QTRT1: variants seen among roughly 807,000 people sequenced by gnomAD.
QTRT1 encodes the protein queuine tRNA-ribosyltransferase catalytic subunit 1.
Under a neutral mutation model 44.0 loss-of-function variants are expected in QTRT1, and 41 were observed. The observed-to-expected ratio is 0.93, with a 90% CI of 0.73 to 1.21. The LOEUF (loss-of-function observed/expected upper bound fraction) is 1.21. Ranked by LOEUF, QTRT1 falls within the 50% of genes most tolerant of loss-of-function variation. The pLI is 0.00. For synonymous variants in QTRT1, 226 were observed against 237.1 expected (o/e 0.95, Z 0.43); for missense variants, 542 against 575.8 (o/e 0.94, Z 0.60).
In QTRT1 at chr19:10,712,939, C is replaced by T. The variant is rs374392445; in HGVS notation, c.972-14C>T. On this transcript the variant is annotated splice_polypyrimidine_tract_variant and intron_variant, in intron 8 of 9. Transcript: ENST00000250237. The surrounding 1 kb of genome is among the most constrained non-coding windows in gnomAD (Gnocchi z 5.6). ...GGGCCTGGCCGTGCTGAGCTGTCCC[C>T]TGCCGCTCTACAGGCACAGCCGCGC... The T allele has an allele frequency of 3.7e-6, 6 of 1,613,074 alleles. No individual in the cohort carries two copies. The African/African-American group carries it at 5.3e-5, about 14-fold the overall frequency.
rs1358798415 is a variant in QTRT1 at position 10,713,088 on chromosome 19, A to G, written c.1060-30A>G. 6 of 1,608,904 alleles carry G rather than the reference A, an allele frequency of 3.7e-6. No homozygotes were observed. The highest frequency in any genetic ancestry group is 1.1e-5 in the South Asian group (1 of 91,044). ...GTGGGCGGGGGTGTCCTAGGTGCGT[A>G]TGCCCCACGCTGACCTCCCCTCCCC... On this transcript the variant is annotated intron_variant, in intron 9 of 9. Transcript: ENST00000250237. The surrounding 1 kb of genome is among the most constrained non-coding windows in gnomAD (Gnocchi z 4.3).
intron 3 of QTRT1, among the ~76,000 whole-genome samples, chr19:10,702,598 G>A (rs1021359284): frequency 3.3e-5 from 5 of 151,966 alleles, no homozygotes; most frequent in Non-Finnish European, 5.9e-5. Context: ...GAGGCCGGGA[G>A]TTGGAGACCA....
chr19:10,701,456 T>A lies in QTRT1; in HGVS notation c.-5T>A. On this transcript the variant is annotated 5_prime_UTR_variant, in exon 1 of 10. Coordinates refer to ENST00000250237, the MANE Select transcript of QTRT1 (RefSeq NM_031209.3). ...GGTACGGCCCACGTGGTTCCGACAG[T>A]CAAGATGGCGGGAGCAGCTACCCAG... 1.3e-6 allele frequency: 2 copies of A among 1,541,200 alleles called. No individual in the cohort carries two copies. The highest frequency in any genetic ancestry group is 2.5e-5 in the South Asian group (2 of 80,582).
Position 10,701,665 on chromosome 19 carries a change from A to G in QTRT1, c.205A>G (p.Ile69Val). The G allele has an allele frequency of 6.3e-7, 1 of 1,590,876 alleles. No individual in the cohort carries two copies. Among genetic ancestry groups the G allele is most frequent in the Non-Finnish European group, 8.5e-7 (1 of 1,169,690 alleles). The change falls in exon 1 of 10, where the codon ATC (isoleucine) becomes GTC (valine). Residue 69 changes from isoleucine to valine, a missense_variant. Ile to Val is a conservative substitution (Grantham distance 29). Coordinates refer to ENST00000250237, the MANE Select transcript of QTRT1 (RefSeq NM_031209.3). ...TEQLDALGCR[I>V]CLGNTYHLGL... Reference sequence around the variant, plus strand: ...ACAGCTGGACGCTCTGGGTTGCCGCATCTGCCTGGGCAATACCTACCATCT... The same window carrying G: ...ACAGCTGGACGCTCTGGGTTGCCGCGTCTGCCTGGGCAATACCTACCATCT...
intron 5 of QTRT1, chr19:10,710,976 G>C (rs1419851431): frequency 2.0e-5 from 3 of 151,702 alleles, no homozygotes; most frequent in African/African-American, 7.3e-5. Flanking sequence ...GAACGTGCAA[G>C]TTTGTTACAC....
Position 10,701,720 on chromosome 19 carries a change from C to T in QTRT1, c.243+17C>T, listed in dbSNP as rs746168440. ...CTAAGGCCGGTGGGTGGGCTCTGCC[C>T]GCGCGGGGAGGCGGCGAGGCGGCGA... On this transcript the variant is annotated intron_variant, in intron 1 of 9. Transcript: ENST00000250237. 8 of 1,566,532 alleles carry T rather than the reference C, an allele frequency of 5.1e-6. No individual in the cohort carries two copies. In the South Asian group the frequency reaches 6.9e-5, roughly 14 times the overall value.
Position 10,701,462 on chromosome 19 carries a change from T to TG in QTRT1, c.4dup (p.Ala2?). 6.5e-7 allele frequency: 1 copy of TG among 1,544,578 alleles called. No individual in the cohort carries two copies. The highest frequency in any genetic ancestry group is 2.3e-5 in the East Asian group (1 of 44,136). ...GCCCACGTGGTTCCGACAGTCAAGA[T>TG]GGCGGGAGCAGCTACCCAGGCTTCC... is the stretch of plus-strand genomic sequence containing the variant. On this transcript the variant is annotated frameshift_variant and start_lost, in exon 1 of 10. Coordinates refer to ENST00000250237, the MANE Select transcript of QTRT1 (RefSeq NM_031209.3). LOFTEE classifies it high-confidence loss of function.
Position 10,701,514 on chromosome 19 carries a change from G to A in QTRT1, c.54G>A (p.Arg18=). 6.3e-7 allele frequency: 1 copy of A among 1,593,660 alleles called. No individual in the cohort carries two copies. The change falls in exon 1 of 10, where the codon CGG becomes CGA. Residue 18 remains arginine, a synonymous_variant. Transcript: ENST00000250237. The part of the protein sequence containing the change: ...ASLESAPRIM[R]LVAECSRSRA... ...TGGAGTCGGCCCCACGGATCATGCG[G>A]CTGGTGGCCGAATGCAGCCGCTCCA...
rs1347613969 is a variant in QTRT1, at chr19:10,702,148, GTC to G, written c.349_350del (p.Leu117ValfsTer18). 2 of 1,614,032 alleles carry G rather than the reference GTC, an allele frequency of 1.2e-6. No homozygotes were observed. Among genetic ancestry groups the G allele is most frequent in the African/African-American group, 2.7e-5 (2 of 74,912 alleles). ...GCGGTTTCCAGATGGTGTCGCTGGT[GTC>G]TCTGTCCGAGGTGACGGAGGAGGGC... Reference protein sequence around the residue: ...SGGFQMVSLVSLSEVTEEGVR... With the variant: ...SGGFQMVSLVXLSEVTEEGVR... On this transcript the variant is annotated frameshift_variant, in exon 3 of 10. Coordinates refer to ENST00000250237, the MANE Select transcript of QTRT1 (RefSeq NM_031209.3). LOFTEE classifies it high-confidence loss of function.
chr19:10,713,051 GC>G lies in QTRT1; in HGVS notation c.1059+14del, dbSNP rs772753272. The G allele has an allele frequency of 6.2e-7, 1 of 1,610,320 alleles. No homozygotes were observed. Reference sequence around the variant, plus strand: ...AACATCGCCTACCAGGTGAGCCAGTGCCCGGGGCAAGGTGGGCGGGGGTGTC... The same window carrying G: ...AACATCGCCTACCAGGTGAGCCAGTGCCGGGGCAAGGTGGGCGGGGGTGTC... On this transcript the variant is annotated intron_variant, in intron 9 of 9. Transcript: ENST00000250237. The surrounding 1 kb of genome is among the most constrained non-coding windows in gnomAD (Gnocchi z 4.3).
chr19:10,712,359 C>T lies in QTRT1; in HGVS notation c.785+60C>T. 6.4e-7 allele frequency: 1 copy of T among 1,568,316 alleles called. No homozygotes were observed. The highest frequency in any genetic ancestry group is 8.7e-7 in the Non-Finnish European group (1 of 1,155,762). On this transcript the variant is annotated intron_variant, in intron 6 of 9. Transcript: ENST00000250237. This position sits in a 1 kb window ranked among gnomAD's most constrained non-coding sequence, Gnocchi z 5.6. ...GTGGGAAGTGGATTCCTGGGGACCC[C>T]CTACCCTGCTTGGGGAGGTGGCATT...
intron 4 of QTRT1, 33 bp from the exon 5 acceptor site, chr19:10,707,467 C>T (rs1339856180): frequency 1.2e-6 from 2 of 1,608,898 alleles, no homozygotes; most frequent in African/African-American, 1.3e-5. Flanking sequence ...CCTCACCAGG[C>T]CCCTGGGGCT....
intron 5 of QTRT1, chr19:10,710,936 A>AG (rs2068736235): frequency 6.6e-6 from 1 of 151,988 alleles, no homozygotes; most frequent in African/African-American, 2.4e-5. Flanking sequence ...AAAAAAAAAA[A>AG]AAAAAATTAA....
Position 10,712,493 on chromosome 19 carries a change from G to T in QTRT1, c.786-60G>T. On this transcript the variant is annotated intron_variant, in intron 6 of 9. Coordinates refer to ENST00000250237, the MANE Select transcript of QTRT1 (RefSeq NM_031209.3). The surrounding 1 kb of genome is among the most constrained non-coding windows in gnomAD (Gnocchi z 5.6). ...CAGTCTGGGGCAGTGTGAGGGTTGG[G>T]AGGGGCCCTGGGAAGCCCCTGAGGT... is the stretch of plus-strand genomic sequence containing the variant. 9.8e-6 allele frequency: 15 copies of T among 1,524,982 alleles called. 1 individual carries two copies. The highest frequency in any genetic ancestry group is 1.4e-5 in the Non-Finnish European group (15 of 1,099,938). The allele number at this position is 1,524,982 out of a possible 1,614,324, so 94.5% of individuals were successfully genotyped here.
At position 10,712,280 on chromosome 19, in the gene QTRT1, C is replaced by A. The variant is rs1216444851; in HGVS notation, c.766C>A (p.Arg256=). 1.9e-6 allele frequency: 3 copies of A among 1,613,120 alleles called. No homozygotes were observed. In the Admixed American group the frequency reaches 5.0e-5, roughly 27 times the overall value. Residue 256 remains arginine (R), a synonymous_variant, in exon 6 of 10, where the codon CGA becomes AGA. Transcript: ENST00000250237. The surrounding 1 kb of genome is among the most constrained non-coding windows in gnomAD (Gnocchi z 5.6). ...CTCTCGGCTGCCGAAGGACAAGCCC[C>A]GATATCTGATGGGGGTTGGGTATGT... is the stretch of plus-strand genomic sequence containing the variant. ...STSRLPKDKP[R]YLMGVGYATD... is the part of the protein sequence containing the mutation.
rs181941332 is a variant in QTRT1 at position 10,712,118 on chromosome 19, G to C, written c.647-43G>C. 2.5e-6 allele frequency: 4 copies of C among 1,609,078 alleles called. No individual in the cohort carries two copies. In the South Asian group the frequency reaches 4.4e-5, roughly 18 times the overall value. On this transcript the variant is annotated intron_variant, in intron 5 of 9. Coordinates refer to ENST00000250237, the MANE Select transcript of QTRT1 (RefSeq NM_031209.3). This position sits in a 1 kb window ranked among gnomAD's most constrained non-coding sequence, Gnocchi z 5.6. The stretch of plus-strand genomic sequence containing the variant: ...TGTGTTCTGGGATTGAAGACCAGGC[G>C]CATTTCCTCTTCTGTGGCCCTCACC...
At chr19:10,709,857 A>G (rs2068730784) in intron 5 of QTRT1, among the ~76,000 whole-genome samples, 1 of 151,950 alleles carries the variant, frequency 6.6e-6, no homozygotes, top group Non-Finnish European at 1.5e-5. Context: ...TCAAAAAAAA[A>G]AAAATTAGCC....
rs896602507 is a variant in QTRT1 at position 10,710,138 on chromosome 19, T to G, written c.647-2023T>G. On this transcript the variant is annotated intron_variant, in intron 5 of 9. Transcript: ENST00000250237. ...GGTTGGTGGCTGCAGTGAGCTATGA[T>G]GACATCACTGTACTGCAGTCTGGGT... Among the ~76,000 whole-genome samples, 27 of 151,976 alleles carry G rather than the reference T, an allele frequency of 1.8e-4. No homozygotes were observed. The South Asian group carries it at 5.2e-3, about 29-fold the overall frequency.
At position 10,713,298 on chromosome 19, in the gene QTRT1, G is replaced by A; in HGVS notation, c.*28G>A. ...TGGCATTGGGAGAGGGAGGGAGGAA[G>A]GAAGGGAGGGAGGGGCTGGAAGATA... On this transcript the variant is annotated 3_prime_UTR_variant, in exon 10 of 10. Coordinates refer to ENST00000250237, the MANE Select transcript of QTRT1 (RefSeq NM_031209.3). This position sits in a 1 kb window ranked among gnomAD's most constrained non-coding sequence, Gnocchi z 4.3. 6.3e-7 allele frequency: 1 copy of A among 1,577,972 alleles called. No individual in the cohort carries two copies. Among genetic ancestry groups the A allele is most frequent in the Admixed American group, 1.7e-5 (1 of 57,728 alleles).
Sources: gnomAD v4.1 joint callset for allele counts (sites outside exome capture counted in the v4.1 genomes callset) on GRCh38, gnomAD v4.1.1 for gene constraint, Gnocchi (gnomAD v3.1) non-coding constraint, MANE v1.5 for transcripts, NCBI Gene and HGNC (gene_info 2026-07-23, HGNC 2026-07-21) for gene names.